Variants in GRHL2 observed in about 807,000 individuals in gnomAD.
The protein encoded by GRHL2 is grainyhead-like protein 2 homolog.
In GRHL2, 21 loss-of-function variants were observed where a neutral mutation model predicts 83.8. The ratio of observed to expected loss-of-function variants is 0.25; its 90% CI spans 0.18 to 0.36. The LOEUF is 0.36. Among genes scored for constraint, GRHL2 ranks in the 10% least tolerant of loss-of-function variants. GRHL2 has a pLI of 1.00. For synonymous variants in GRHL2, 280 were observed against 278.9 expected (o/e 1.00, Z -0.04); for missense variants, 623 against 781.8 (o/e 0.80, Z 2.42).
In GRHL2 at chr8:101,591,830, G is replaced by A. The variant is rs183209665; in HGVS notation, c.1004-7227G>A. Reference sequence around the variant, plus strand: ...GTTTGTGGCAGTTATTATCCTAAGGGCATTTGCATTTTAATGCCAGGAGAT... The same window carrying A: ...GTTTGTGGCAGTTATTATCCTAAGGACATTTGCATTTTAATGCCAGGAGAT... On this transcript the variant is annotated intron_variant, in intron 7 of 15. Transcript: ENST00000646743. Among the ~76,000 whole-genome samples, 58 of 152,242 alleles carry A rather than the reference G, an allele frequency of 3.8e-4. 1 individual carries two copies. Among genetic ancestry groups the A allele is most frequent in the African/African-American group, 1.3e-3 (56 of 41,548 alleles).
At chr8:101,598,581 ATT>A (rs61519476) in intron 7 of GRHL2, among the ~76,000 whole-genome samples, 12 of 117,646 alleles carry the variant, frequency 1.0e-4, no homozygotes, top group African/African-American at 2.6e-4. Context: ...GGTCTCCTGA[ATT>A]TTTTTTTTTT....
downstream of GRHL2, among the ~76,000 whole-genome samples, chr8:101,672,792 G>A (rs1206000558): frequency 2.2e-4 from 33 of 151,592 alleles, no homozygotes; most frequent in Non-Finnish European, 3.2e-4. Flanking sequence ...AATGTTAAGG[G>A]CAGCCAGAGA....
chr8:101,564,002 A>G (rs1206385865), intron 4 of GRHL2, among the ~76,000 whole-genome samples: 1 of 152,208 alleles, frequency 6.6e-6, no homozygotes, highest in South Asian at 2.1e-4. Flanking sequence ...GGGATGTGTT[A>G]TCAGTTATGT....
rs1563626960 is a variant in GRHL2 at position 101,652,396 on chromosome 8, T to TG, written c.1698+2898dup. ...CTGATGTGTGTGTGGTGTGTGTGTG[T>TG]GTCTGGTGTGTGTGTGGTGTGTGTG... is the stretch of plus-strand genomic sequence containing the variant. On this transcript the variant is annotated intron_variant, in intron 14 of 15. Transcript: ENST00000646743. 1.8e-4 allele frequency among the ~76,000 whole-genome samples: 10 copies of TG among 55,130 alleles called. 2 individuals are homozygous for TG. The highest frequency in any genetic ancestry group is 1.5e-3 in the African/African-American group (8 of 5,448). The allele number at this position is 55,130 out of a possible 152,430, so 36.2% of individuals were successfully genotyped here.
At chr8:101,641,769 A>G (rs1286968415) in intron 12 of GRHL2, among the ~76,000 whole-genome samples, 3 of 152,182 alleles carry the variant, frequency 2.0e-5, no homozygotes, top group Non-Finnish European at 4.4e-5. Context: ...TTTATCCCTC[A>G]GTATCTGTGG....
chr8:101,517,094 G>A (rs138051846), intron 1 of GRHL2, among the ~76,000 whole-genome samples: 186 of 152,172 alleles, frequency 1.2e-3, no homozygotes, highest in African/African-American at 4.3e-3. Flanking sequence ...ATTGAGGACC[G>A]TCGCTTTGGC....
chr8:101,618,567 A>T (rs1812900503), intron 8 of GRHL2, among the ~76,000 whole-genome samples: 1 of 151,950 alleles, frequency 6.6e-6, no homozygotes, highest in Non-Finnish European at 1.5e-5. Context: ...AAATTAAGTG[A>T]CTTGTGTAAG....
intron 4 of GRHL2, among the ~76,000 whole-genome samples, chr8:101,565,079 C>G (rs1293490040): frequency 6.6e-6 from 1 of 152,172 alleles, no homozygotes; most frequent in Non-Finnish European, 1.5e-5. Context: ...ATGGCTTACT[C>G]ATTTTACTTC....
intron 8 of GRHL2, among the ~76,000 whole-genome samples, chr8:101,607,757 G>A (rs964856555): frequency 6.6e-6 from 1 of 152,152 alleles, no homozygotes; most frequent in African/African-American, 2.4e-5. Context: ...AAGCCTTAAA[G>A]GAGAAAAGTA....
At chr8:101,656,644 C>T (rs763447032) in intron 14 of GRHL2, among the ~76,000 whole-genome samples, 12 of 152,042 alleles carry the variant, frequency 7.9e-5, no homozygotes, top group South Asian at 2.1e-4. Context: ...CTGAGCTGGG[C>T]GAGTTACTCA....
intron 7 of GRHL2, among the ~76,000 whole-genome samples, chr8:101,580,535 G>A (rs986362241): frequency 2.6e-5 from 4 of 151,942 alleles, no homozygotes; most frequent in Non-Finnish European, 2.9e-5. Context: ...GATTACAGGC[G>A]AGAGCCACTG....
At chr8:101,560,176 TTGTGTGTGTGTGTG>T (rs35280910) in intron 4 of GRHL2, among the ~76,000 whole-genome samples, 2 of 148,962 alleles carry the variant, frequency 1.3e-5, no homozygotes, top group African/African-American at 2.5e-5. Flanking sequence ...TGGCTAAATT[TTGTGTGTGTGTGTG>T]TGTGTGTGTG....
chr8:101,675,657 G>T, the GRHL2 span, among the ~76,000 whole-genome samples: 1 of 152,106 alleles, frequency 6.6e-6, no homozygotes, highest in Admixed American at 6.5e-5. Context: ...TAGACTCAAC[G>T]CCATCCCCAA....
chr8:101,657,719 A>G (rs929099661), intron 14 of GRHL2, among the ~76,000 whole-genome samples: 2 of 152,050 alleles, frequency 1.3e-5, no homozygotes, highest in Non-Finnish European at 2.9e-5. Flanking sequence ...GGGCGCCTAT[A>G]GTCCCAGCTA....
downstream of GRHL2, among the ~76,000 whole-genome samples, chr8:101,671,035 G>C (rs1299517005): frequency 4.6e-5 from 7 of 152,200 alleles, no homozygotes; most frequent in African/African-American, 9.7e-5. Flanking sequence ...GGCACCAAGG[G>C]GGGTGGAGCC....
Position 101,552,586 on chromosome 8 carries a change from A to G in GRHL2, c.217-129A>G, listed in dbSNP as rs528147620. Reference sequence around the variant, plus strand: ...TACTAGCCTTTATCATCTCCTGGTGATAGCAACTTTTCCACCATTTCCTGG... The same window carrying G: ...TACTAGCCTTTATCATCTCCTGGTGGTAGCAACTTTTCCACCATTTCCTGG... On this transcript the variant is annotated intron_variant, in intron 2 of 15. Transcript: ENST00000646743. The G allele has an allele frequency of 4.4e-4, 352 of 806,340 alleles. 2 individuals carry two copies. The highest frequency in any genetic ancestry group is 4.3e-3 in the South Asian group (304 of 70,052). The allele number at this position is 806,340 out of a possible 1,614,324, so 49.9% of individuals were successfully genotyped here. A position where few individuals can be genotyped will look rare whatever the true frequency, so the allele number is the denominator to read the frequency against.
intron 1 of GRHL2, among the ~76,000 whole-genome samples, chr8:101,539,091 A>G (rs1055204804): frequency 6.6e-6 from 1 of 152,206 alleles, no homozygotes; most frequent in Non-Finnish European, 1.5e-5. Flanking sequence ...TCAAGAAGGA[A>G]GATTTAGGGA....
At chr8:101,528,095 T>A (rs955812227) in intron 1 of GRHL2, among the ~76,000 whole-genome samples, 4 of 152,208 alleles carry the variant, frequency 2.6e-5, no homozygotes, top group African/African-American at 9.7e-5. Context: ...ATTATTCTAC[T>A]CTATTCTAGT....
intron 4 of GRHL2, among the ~76,000 whole-genome samples, chr8:101,562,705 T>G (rs1234017741): frequency 6.6e-6 from 1 of 152,256 alleles, no homozygotes; most frequent in Non-Finnish European, 1.5e-5. Context: ...TAATTGTTGG[T>G]ACCTTTTCCA....
Sources: gnomAD v4.1 joint callset for allele counts (sites outside exome capture counted in the v4.1 genomes callset) on GRCh38, gnomAD v4.1.1 for gene constraint, MANE v1.5 for transcripts, NCBI Gene and HGNC (gene_info 2026-07-23, HGNC 2026-07-21) for gene names.